The following IRAK1 variants were observed in gnomAD, a reference collection of about 807,000 sequenced individuals.
IRAK1 encodes interleukin 1 receptor associated kinase 1.
In IRAK1, 9 loss-of-function variants were observed where a neutral mutation model predicts 49.8. That is an observed-to-expected ratio of 0.18 (90% CI 0.11 to 0.32). The LOEUF (loss-of-function observed/expected upper bound fraction) is 0.32. IRAK1 is among the 10% of genes least tolerant of loss of function. IRAK1 has a pLI of 1.00. For synonymous variants in IRAK1, 282 were observed against 270.8 expected (o/e 1.04, Z -0.41); for missense variants, 418 against 600.5 (o/e 0.70, Z 3.18).
At position 154,014,073 on chromosome X, in the gene IRAK1, C is replaced by T. The variant is rs369816123; in HGVS notation, c.1508G>A (p.Arg503His). 2.1e-5 allele frequency: 25 copies of T among 1,193,455 alleles called. No homozygotes were observed. Among genetic ancestry groups the T allele is most frequent in the Non-Finnish European group, 2.7e-5 (24 of 890,363 alleles). Residue 503 changes from arginine to histidine, a missense_variant, in exon 11 of 14, where the codon CGC (arginine) becomes CAC (histidine). Arg to His is a conservative substitution (Grantham distance 29). Transcript: ENST00000369980. ...CATAGGAGGCCTCCTTTTGGCCCGG[C>T]GGTGCAGGCAGCAGCAGGCCAGCTG... ...LGQLACCCLH[R>H]RAKRRPPMTQ...
In IRAK1 at chrX:154,011,849, G is replaced by A; in HGVS notation, c.*10C>T. On this transcript the variant is annotated 3_prime_UTR_variant, in exon 14 of 14. Transcript: ENST00000369980. ...CTTCCGGATTTGGGGGATCTGCCCA[G>A]GTGAACACATCAGCTCTGAAATTCA... is the stretch of plus-strand genomic sequence containing the variant. 2 of 1,208,139 alleles carry A rather than the reference G, an allele frequency of 1.7e-6. No homozygotes were observed. The highest frequency in any genetic ancestry group is 5.9e-5 in the East Asian group (2 of 33,838).
At position 154,013,368 on chromosome X, in the gene IRAK1, G is replaced by C. The variant is rs1557128139; in HGVS notation, c.1605C>G (p.Ala535=). Residue 535 remains alanine, a synonymous_variant, in exon 12 of 14, where the codon GCC becomes GCG. Coordinates refer to ENST00000369980, the MANE Select transcript of IRAK1 (RefSeq NM_001569.4). The part of the protein sequence containing the change: ...VAGVPGHSEA[A]SCIPPSPQEN... ...CCTGCGGGGAAGGGGGGATGCAGCT[G>C]GCGGCCTCCGAATGCCCGGGCACCC... The C allele has an allele frequency of 8.3e-7, 1 of 1,203,496 alleles. No individual in the cohort carries two copies. The highest frequency in any genetic ancestry group is 1.7e-5 in the African/African-American group (1 of 57,547).
rs1486549554 is a variant in IRAK1 at position 154,013,406 on chromosome X, C to T, written c.1567G>A (p.Ala523Thr). 8.4e-7 allele frequency: 1 copy of T among 1,193,604 alleles called. No individual in the cohort carries two copies. Among genetic ancestry groups the T allele is most frequent in the Non-Finnish European group, 1.1e-6 (1 of 889,157 alleles). ...TGCCCGGGCACCCCCGCCACCACTGCCTGCAGCTTCTCTAGCCTCTCGTAC... is the reference window on the plus strand; with the variant it reads ...TGCCCGGGCACCCCCGCCACCACTGTCTGCAGCTTCTCTAGCCTCTCGTAC... ...QVYERLEKLQ[A>T]VVAGVPGHSE... The change falls in exon 12 of 14, where the codon GCA becomes ACA. Residue 523 changes from alanine (A) to threonine (T), a missense_variant. Ala to Thr is a moderately conservative substitution (Grantham distance 58). Transcript: ENST00000369980.
Position 154,013,043 on chromosome X carries a change from C to T in IRAK1, c.1930G>A (p.Gly644Arg), listed in dbSNP as rs1557127932. Residue 644 changes from glycine to arginine, a missense_variant and splice_region_variant, in exon 12 of 14, where the codon GGA (glycine) becomes AGA (arginine). Transcript: ENST00000369980. Reference sequence around the variant, plus strand: ...CCTGGGAACCCGTCTCCCCAGCTACCTTCCACGGCTGTGGGCCGGGATCCT... The same window carrying T: ...CCTGGGAACCCGTCTCCCCAGCTACTTTCCACGGCTGTGGGCCGGGATCCT... Reference protein sequence around the residue: ...GPGSRPTAVEGLALGSSASSS... With the variant: ...GPGSRPTAVERLALGSSASSS... 8.3e-7 allele frequency: 1 copy of T among 1,208,227 alleles called. No individual in the cohort carries two copies. Among genetic ancestry groups the T allele is most frequent in the Non-Finnish European group, 1.1e-6 (1 of 894,924 alleles).
chrX:154,014,009 C>G (rs781988741), intron 11 of IRAK1, 33 bp downstream of exon 11: 3 of 1,189,047 alleles, frequency 2.5e-6, no homozygotes, highest in Non-Finnish European at 3.4e-6. Flanking sequence ...GGCTTTCTAT[C>G]TGGCCACCCC....
intron 10 of IRAK1, 69 bp from the exon 11 acceptor site, chrX:154,014,347 G>C: frequency 1.1e-6 from 1 of 892,775 alleles, no homozygotes; most frequent in Non-Finnish European, 1.6e-6. Context: ...TCAGGTCCTT[G>C]TCACTCAATC....
At chrX:154,019,376 C>T in intron 2 of IRAK1, 48 bp from the exon 3 acceptor site, 2 of 1,126,065 alleles carry the variant, frequency 1.8e-6, no homozygotes, top group South Asian at 4.2e-5. Flanking sequence ...GGTGGGGGAG[C>T]CCCGTGGGGC....
At chrX:154,017,886 C>T in intron 7 of IRAK1, 120 bp downstream of exon 7, 1 of 510,911 alleles carries the variant, frequency 2.0e-6, no homozygotes, top group Non-Finnish European at 3.5e-6. Context: ...GAAGTGCAGG[C>T]CTGGCCTGCT....
intron 11 of IRAK1, 94 bp downstream of exon 11, chrX:154,013,948 G>A (rs2148638914): frequency 9.6e-7 from 1 of 1,039,653 alleles, no homozygotes; most frequent in Non-Finnish European, 1.3e-6. Flanking sequence ...ACTCCAGAGA[G>A]ACCTAGCAGG....
At chrX:154,018,906 G>T in intron 4 of IRAK1, 69 bp downstream of exon 4, 1 of 968,997 alleles carries the variant, frequency 1.0e-6, no homozygotes, top group Non-Finnish European at 1.4e-6. Flanking sequence ...CTGGGGCTCT[G>T]CGCTACATCA....
At position 154,011,162 on chromosome X, in the gene IRAK1, G is replaced by A. The variant is rs782323844; in HGVS notation, c.*697C>T. ...TGCAGTCATACAATCATGACTCACT[G>A]CAGCCTCGACCTCCCAAGCATAAAT... On this transcript the variant is annotated 3_prime_UTR_variant, in exon 14 of 14. Transcript: ENST00000369980. 1 of 325,007 alleles carries A rather than the reference G, an allele frequency of 3.1e-6. No individual in the cohort carries two copies. The highest frequency in any genetic ancestry group is 2.7e-5 in the South Asian group (1 of 37,329). 26.8% of individuals were successfully genotyped at this position (325,007 alleles called of 1,213,427 possible).
At chrX:154,016,719 G>T in intron 8 of IRAK1, 75 bp from the exon 9 acceptor site, 1 of 901,068 alleles carries the variant, frequency 1.1e-6, no homozygotes, top group Non-Finnish European at 1.6e-6. Flanking sequence ...GGCTGGACTC[G>T]AGGCTGCCAG....
In IRAK1 at chrX:154,018,063, G is replaced by A; in HGVS notation, c.852C>T (p.Tyr284=). The A allele has an allele frequency of 8.3e-7, 1 of 1,211,723 alleles. No homozygotes were observed. The highest frequency in any genetic ancestry group is 1.7e-5 in the African/African-American group (1 of 58,012). The change falls in exon 7 of 14, where the codon TAC becomes TAT. Residue 284 remains tyrosine, a synonymous_variant. Coordinates refer to ENST00000369980, the MANE Select transcript of IRAK1 (RefSeq NM_001569.4). ...TGGGCAGGAAGCCGTACACCAGGCA[G>A]TAGAAGCCGTTCTGAGCACAGTAGC... The part of the protein sequence containing the change: ...FAGYCAQNGF[Y]CLVYGFLPNG...
At chrX:154,015,317 G>T (rs1271496406) in intron 10 of IRAK1, among the ~76,000 whole-genome samples, 1 of 112,262 alleles carries the variant, frequency 8.9e-6, no homozygotes, top group Non-Finnish European at 1.9e-5. Context: ...TTCTTCAGCA[G>T]GATGCATGGA....
chrX:154,015,249 G>A (rs782579737), intron 10 of IRAK1, among the ~76,000 whole-genome samples: 1 of 112,151 alleles, frequency 8.9e-6, no homozygotes, highest in Non-Finnish European at 1.9e-5. Flanking sequence ...AGAGCACTTT[G>A]GCTGCAGGGT....
chrX:154,012,809 CCAGA>C (rs2065709413), intron 12 of IRAK1, 131 bp from the exon 13 acceptor site: 9 of 791,037 alleles, frequency 1.1e-5, no homozygotes, highest in Non-Finnish European at 1.6e-5. Context: ...TCTCAGGCTA[CCAGA>C]CAGAGCCCTC....
chrX:154,014,979 G>A, intron 10 of IRAK1, among the ~76,000 whole-genome samples: 1 of 111,272 alleles, frequency 9.0e-6, no homozygotes, highest in East Asian at 2.8e-4. Flanking sequence ...ACCCCAGAGA[G>A]AGAGGCGCCC....
intron 5 of IRAK1, 36 bp downstream of exon 5, chrX:154,018,563 G>C: frequency 9.1e-7 from 1 of 1,102,416 alleles, no homozygotes; most frequent in Non-Finnish European, 1.2e-6. Flanking sequence ...GTTATCTGAT[G>C]GCCTTCCAGG....
intron 10 of IRAK1, among the ~76,000 whole-genome samples, chrX:154,014,779 T>C (rs1246498805): frequency 8.9e-6 from 1 of 112,050 alleles, no homozygotes; most frequent in Non-Finnish European, 1.9e-5. Context: ...AAACACCTAC[T>C]GTGGGCCAGT....
Sources: gnomAD v4.1 joint callset for allele counts (sites outside exome capture counted in the v4.1 genomes callset) on GRCh38, gnomAD v4.1.1 for gene constraint, MANE v1.5 for transcripts, NCBI Gene and HGNC (gene_info 2026-07-23, HGNC 2026-07-21) for gene names.